The following CNTLN variants were observed in gnomAD, a reference collection of about 807,000 sequenced individuals.
CNTLN encodes the protein centlein.
A neutral mutation model predicts 180.0 loss-of-function variants in CNTLN; 212 were observed. That is an observed-to-expected ratio of 1.18 (90% CI 1.05 to 1.32). CNTLN has a LOEUF of 1.32. Among genes scored for constraint, CNTLN ranks in the 40% most tolerant of loss-of-function variants. The pLI is 0.00. For missense variants in CNTLN, 2,095 were observed against 1,610.9 expected (o/e 1.30, Z -5.14); for synonymous variants, 722 against 563.1 (o/e 1.28, Z -3.99).
intron 2 of CNTLN, among the ~76,000 whole-genome samples, chr9:17,181,761 C>T (rs1183038360): frequency 6.6e-6 from 1 of 152,182 alleles, no homozygotes; most frequent in Non-Finnish European, 1.5e-5. Flanking sequence ...TCTGAAGACA[C>T]CTGAGGAATA....
downstream of CNTLN, among the ~76,000 whole-genome samples, chr9:17,505,861 C>T (rs1430566789): frequency 6.6e-6 from 1 of 151,892 alleles, no homozygotes; most frequent in African/African-American, 2.4e-5. Context: ...ATCACTTTAC[C>T]CAGTTTCAAG....
chr9:17,365,021 T>A (rs1823696371), intron 12 of CNTLN, among the ~76,000 whole-genome samples: 1 of 152,184 alleles, frequency 6.6e-6, no homozygotes, highest in South Asian at 2.1e-4. Context: ...CCCAGTTTCC[T>A]GTCGTTAGCT....
chr9:17,431,241 C>T (rs149018691), intron 18 of CNTLN, among the ~76,000 whole-genome samples: 295 of 152,092 alleles, frequency 1.9e-3, no homozygotes, highest in African/African-American at 6.7e-3. Context: ...TGATAACAGC[C>T]ATTTTGACTG....
At chr9:17,322,439 C>A (rs187431120) in intron 8 of CNTLN, among the ~76,000 whole-genome samples, 2 of 152,068 alleles carry the variant, frequency 1.3e-5, no homozygotes, top group Non-Finnish European at 2.9e-5. Context: ...AAAAAGAAGG[C>A]TGCCAATAGA....
chr9:17,366,827 A>G (rs1462570653), intron 13 of CNTLN, 110 bp downstream of exon 13: 11 of 640,918 alleles, frequency 1.7e-5, no homozygotes, highest in Non-Finnish European at 2.7e-6. Context: ...TTTCTTTTCC[A>G]ACACTTTATT....
intron 6 of CNTLN, among the ~76,000 whole-genome samples, chr9:17,293,075 G>C (rs1298268024): frequency 6.6e-6 from 1 of 152,140 alleles, no homozygotes; most frequent in African/African-American, 2.4e-5. Flanking sequence ...TATTCACTTG[G>C]GTCCCTTCTG....
intron 2 of CNTLN, among the ~76,000 whole-genome samples, chr9:17,162,421 G>A (rs1354853053): frequency 6.6e-6 from 1 of 152,088 alleles, no homozygotes; most frequent in African/African-American, 2.4e-5. Flanking sequence ...GCCTCGTCTT[G>A]CTTTCTTTTA....
In CNTLN at chr9:17,308,196, G is replaced by A. The variant is rs114265457; in HGVS notation, c.1147-862G>A. On this transcript the variant is annotated intron_variant, in intron 7 of 25. Coordinates refer to ENST00000380647, the MANE Select transcript of CNTLN (RefSeq NM_017738.4). ...ACCTTATATTACTGTCTGTATGATA[G>A]CACTTATATGTCATGTTATCTCATA... is the stretch of plus-strand genomic sequence containing the variant. Among the ~76,000 whole-genome samples the A allele has an allele frequency of 5.7e-3, 868 of 152,128 alleles. 10 individuals are homozygous for A. The highest frequency in any genetic ancestry group is 0.02 in the African/African-American group (833 of 41,482).
chr9:17,248,777 C>T (rs1036679073), intron 5 of CNTLN, among the ~76,000 whole-genome samples: 1 of 151,256 alleles, frequency 6.6e-6, no homozygotes, highest in Non-Finnish European at 1.5e-5. Context: ...CTGAACGGAC[C>T]AGTAATGAGT....
chr9:17,340,580 T>C (rs374281805), intron 10 of CNTLN, among the ~76,000 whole-genome samples: 3 of 152,202 alleles, frequency 2.0e-5, no homozygotes, highest in African/African-American at 7.2e-5. Context: ...TGAAACTATC[T>C]TAATGGTAAA....
chr9:17,371,185 T>G (rs1824286824), intron 13 of CNTLN, among the ~76,000 whole-genome samples: 1 of 152,052 alleles, frequency 6.6e-6, no homozygotes, highest in Admixed American at 6.5e-5. Context: ...ACAGAGTAAC[T>G]GAAAGGATGT....
At chr9:17,341,166 G>T (rs954209292) in intron 11 of CNTLN, among the ~76,000 whole-genome samples, 3 of 152,078 alleles carry the variant, frequency 2.0e-5, no homozygotes, top group Non-Finnish European at 2.9e-5. Context: ...ATCATTAGCA[G>T]TCAATGATTA....
chr9:17,354,988 G>C (rs370042207), intron 12 of CNTLN, among the ~76,000 whole-genome samples: 1 of 151,510 alleles, frequency 6.6e-6, no homozygotes, highest in Non-Finnish European at 1.5e-5. Flanking sequence ...CACTCACCGC[G>C]AAGGTCTGCA....
rs566439540 is a variant in CNTLN, at chr9:17,277,553, G to C, written c.983+3687G>C. On this transcript the variant is annotated intron_variant, in intron 6 of 25. Transcript: ENST00000380647. The stretch of plus-strand genomic sequence containing the variant: ...AAATAACAAGTATGTAGTAAGGAAA[G>C]AAGAATAAAAAGATATAAGACCTAG... Among the ~76,000 whole-genome samples the C allele has an allele frequency of 2.0e-5, 3 of 151,834 alleles. No homozygotes were observed. In the South Asian group the frequency reaches 6.3e-4, roughly 32 times the overall value.
At chr9:17,525,168 T>G in the CNTLN span, among the ~76,000 whole-genome samples, 8 of 152,022 alleles carry the variant, frequency 5.3e-5, no homozygotes, top group East Asian at 7.7e-4. Context: ...ACCCAAACCA[T>G]AAAAATGACC....
chr9:17,266,512 C>T (rs962111177), intron 5 of CNTLN, among the ~76,000 whole-genome samples: 13 of 152,064 alleles, frequency 8.5e-5, no homozygotes, highest in Admixed American at 8.5e-4. Flanking sequence ...AATGTATATT[C>T]TGTTGATTTG....
At chr9:17,468,396 G>GTT (rs1395293902) in intron 23 of CNTLN, among the ~76,000 whole-genome samples, 6 of 151,166 alleles carry the variant, frequency 4.0e-5, no homozygotes, top group South Asian at 2.1e-4. Context: ...TAAAATTAAA[G>GTT]TTATATATAT....
the CNTLN span, among the ~76,000 whole-genome samples, chr9:17,521,059 T>G: frequency 6.6e-6 from 1 of 152,150 alleles, no homozygotes; most frequent in Non-Finnish European, 1.5e-5. Flanking sequence ...AATGAGCATT[T>G]AAACTGTTTA....
chr9:17,350,628 T>C (rs908872539), intron 12 of CNTLN, among the ~76,000 whole-genome samples: 9 of 152,246 alleles, frequency 5.9e-5, no homozygotes, highest in Middle Eastern at 3.4e-3. Context: ...CTGATAGTTT[T>C]GGAGGCTGAG....
Sources: allele counts gnomAD v4.1 joint callset (sites outside exome capture counted in the v4.1 genomes callset), GRCh38; gene constraint gnomAD v4.1.1; transcripts MANE v1.5; gene names NCBI Gene and HGNC (gene_info 2026-07-23, HGNC 2026-07-21).